Variants in UNC80 observed in about 807,000 individuals in gnomAD.
The protein encoded by UNC80 is protein unc-80 homolog.
A neutral mutation model predicts 384.6 loss-of-function variants in UNC80; 164 were observed. The ratio of observed to expected loss-of-function variants is 0.43; its 90% CI spans 0.38 to 0.49. The LOEUF is 0.49. Ranked by LOEUF, UNC80 falls within the 20% of genes least tolerant of loss-of-function variation. The pLI is 0.00. For missense variants in UNC80, 3,330 were observed against 4,143.0 expected, an observed-to-expected ratio of 0.80 and a Z score of 5.39; for synonymous variants, 1,486 against 1,527.8, an observed-to-expected ratio of 0.97 and a Z score of 0.64.
At chr2:209,852,016 A>G (rs1041682505) in intron 22 of UNC80, among the ~76,000 whole-genome samples, 1 of 152,110 alleles carries the variant, frequency 6.6e-6, no homozygotes, top group Non-Finnish European at 1.5e-5. Flanking sequence ...TAAGAAAGAA[A>G]ATGAAGGAGC....
At chr2:209,945,991 G>C in intron 47 of UNC80, 48 bp downstream of exon 47, 1 of 1,279,378 alleles carries the variant, frequency 7.8e-7, no homozygotes. Context: ...AAATATGGCA[G>C]AGAAAATAAA....
intron 34 of UNC80, among the ~76,000 whole-genome samples, 192 bp from the exon 35 acceptor site, chr2:209,922,060 A>T (rs2090077864): frequency 6.6e-6 from 1 of 152,040 alleles, no homozygotes; most frequent in Non-Finnish European, 1.5e-5. Context: ...TTTTGTAAAA[A>T]CTTCGGGGGA....
At chr2:209,898,582 G>A (rs1195282954) in intron 28 of UNC80, among the ~76,000 whole-genome samples, 1 of 152,058 alleles carries the variant, frequency 6.6e-6, no homozygotes, top group Non-Finnish European at 1.5e-5. Flanking sequence ...AAGAAGAATG[G>A]TGTATCCATC....
chr2:209,808,713 C>G (rs1421506753), intron 7 of UNC80: 2 of 107,024 alleles, frequency 1.9e-5, no homozygotes, highest in African/African-American at 3.6e-5. Flanking sequence ...GTTGGCGGAG[C>G]GGCTGCACTC....
rs560651582 is a variant in UNC80, at chr2:209,992,506, C to T, written c.9396+259C>T. Reference sequence around the variant, plus strand: ...TTTAAAGTTTATATTTTGCATTCACCCTACCTAAAATAAGCAGCACAGAGC... The same window carrying T: ...TTTAAAGTTTATATTTTGCATTCACTCTACCTAAAATAAGCAGCACAGAGC... On this transcript the variant is annotated intron_variant, in intron 62 of 64. Transcript: ENST00000673920. 1.6e-4 allele frequency among the ~76,000 whole-genome samples: 25 copies of T among 152,068 alleles called. No homozygotes were observed. The South Asian group carries it at 5.2e-3, about 32-fold the overall frequency.
At chr2:209,932,552 A>C (rs1052140918) in intron 38 of UNC80, among the ~76,000 whole-genome samples, 8 of 152,212 alleles carry the variant, frequency 5.3e-5, no homozygotes, top group Non-Finnish European at 7.4e-5. Context: ...ATGCTTGCCC[A>C]GACCATTGCT....
At chr2:209,848,466 A>G (rs1204604134) in intron 21 of UNC80, among the ~76,000 whole-genome samples, 1 of 152,130 alleles carries the variant, frequency 6.6e-6, no homozygotes, top group African/African-American at 2.4e-5. Context: ...AAAGTGTTCA[A>G]ACGTAGGCAA....
intron 49 of UNC80, among the ~76,000 whole-genome samples, chr2:209,958,410 A>G (rs938715736): frequency 2.0e-5 from 3 of 152,254 alleles, no homozygotes; most frequent in East Asian, 3.8e-4. Context: ...CCTGGAAATC[A>G]TAAGGAGAAA....
intron 25 of UNC80, among the ~76,000 whole-genome samples, chr2:209,883,643 C>T (rs1027715168): frequency 1.3e-5 from 2 of 151,966 alleles, no homozygotes; most frequent in African/African-American, 4.8e-5. Context: ...CCATGTTAGC[C>T]AAGATGGTCT....
intron 7 of UNC80, among the ~76,000 whole-genome samples, chr2:209,799,777 G>A (rs1472469966): frequency 1.3e-5 from 2 of 152,182 alleles, no homozygotes. Flanking sequence ...TTTTTAACAT[G>A]AAGGGATGTT....
intron 48 of UNC80, 51 bp downstream of exon 48, chr2:209,954,321 G>GA (rs10713676): frequency 0.085 from 75,777 of 891,828 alleles, 88 homozygotes; most frequent in Non-Finnish European, 0.094. Flanking sequence ...TGTTTCCACT[G>GA]AAAAAAAAAA....
In UNC80 at chr2:209,849,398, G is replaced by C. The variant is rs1405913543; in HGVS notation, c.3455-53G>C. 3.3e-6 allele frequency: 5 copies of C among 1,538,160 alleles called. No homozygotes were observed. In the Admixed American group the frequency reaches 9.9e-5, roughly 30 times the overall value. ...TCTTTGAAACTCTTTTTAAACCTGT[G>C]ATCCTTTACGTTCTCTCTCTTTCAT... On this transcript the variant is annotated intron_variant, in intron 21 of 64. Coordinates refer to ENST00000673920, the MANE Select transcript of UNC80 (RefSeq NM_001371986.1).
At position 209,993,367 on chromosome 2, in the gene UNC80, GC is replaced by G. The variant is rs2093426408; in HGVS notation, c.9451del (p.Gln3151LysfsTer26). On this transcript the variant is annotated frameshift_variant, in exon 63 of 65. Coordinates refer to ENST00000673920, the MANE Select transcript of UNC80 (RefSeq NM_001371986.1). LOFTEE classifies it high-confidence loss of function. ...AAAACTCAGACTGAACCCAGAAATCGCCAAGGGGCTCGGCTGTCAACCACTC... is the reference window on the plus strand; with the variant it reads ...AAAACTCAGACTGAACCCAGAAATCGCAAGGGGCTCGGCTGTCAACCACTC... ...RQKTQTEPRN[R>X]QGARLSTTRR... 6.4e-7 allele frequency: 1 copy of G among 1,551,678 alleles called. No individual in the cohort carries two copies.
intron 61 of UNC80, 34 bp from the exon 62 acceptor site, chr2:209,992,132 T>C: frequency 1.4e-5 from 21 of 1,537,010 alleles, no homozygotes; most frequent in Non-Finnish European, 1.9e-5. Context: ...CTGTACTCTC[T>C]CCGGGGTACA....
chr2:209,994,015 T>C (rs571633626), intron 63 of UNC80, 50 bp from the exon 64 acceptor site: 1 of 1,486,454 alleles, frequency 6.7e-7, no homozygotes, highest in South Asian at 1.3e-5. Context: ...GCATTGACGG[T>C]CCGTTTCCAC....
At chr2:209,919,606 G>T (rs1233867701) in intron 33 of UNC80, among the ~76,000 whole-genome samples, 1 of 152,120 alleles carries the variant, frequency 6.6e-6, no homozygotes, top group Non-Finnish European at 1.5e-5. Context: ...AAATTAGTTT[G>T]AACATCTTTG....
Position 209,973,138 on chromosome 2 carries a change from A to G in UNC80, c.8455A>G (p.Ile2819Val). 6.4e-7 allele frequency: 1 copy of G among 1,551,622 alleles called. No homozygotes were observed. The highest frequency in any genetic ancestry group is 2.4e-5 in the East Asian group (1 of 40,916). ...CATCAATGTACTCCTCCCACCGCGG[A>G]TCATCAGCACATCCAGGAGCAAGAA... ...TVINVLLPPR[I>V]ISTSRSKNFM... Residue 2819 changes from isoleucine (I) to valine (V), a missense_variant, in exon 56 of 65, where the codon ATC (isoleucine) becomes GTC (valine). By Grantham distance (29) the Ile-to-Val change is conservative. Coordinates refer to ENST00000673920, the MANE Select transcript of UNC80 (RefSeq NM_001371986.1).
At chr2:209,965,422 T>C (rs2092713770) in intron 51 of UNC80, among the ~76,000 whole-genome samples, 1 of 152,108 alleles carries the variant, frequency 6.6e-6, no homozygotes, top group Non-Finnish European at 1.5e-5. Context: ...AAAATAAAAG[T>C]TAAAAATATA....
At chr2:209,835,044 G>A (rs1395304681) in intron 18 of UNC80, 34 bp downstream of exon 18, 7 of 1,436,364 alleles carry the variant, frequency 4.9e-6, no homozygotes, top group African/African-American at 2.8e-5. Context: ...CAGTGCAGAC[G>A]GCTATGCACT....
Sources: gnomAD v4.1 joint callset for allele counts (sites outside exome capture counted in the v4.1 genomes callset) on GRCh38, gnomAD v4.1.1 for gene constraint, MANE v1.5 for transcripts, NCBI Gene and HGNC (gene_info 2026-07-23, HGNC 2026-07-21) for gene names.